CDH13: variants seen among roughly 807,000 people sequenced by gnomAD.
The protein encoded by CDH13 is cadherin 13, also known as cadherin-13.
CDH13 carries 24 observed loss-of-function variants against 63.8 expected under a neutral mutation model. The ratio of observed to expected loss-of-function variants is 0.38; its 90% CI spans 0.27 to 0.53. The LOEUF (loss-of-function observed/expected upper bound fraction) is 0.53. CDH13 is among the 20% of genes least tolerant of loss of function. The probability of loss-of-function intolerance (pLI) is 0.85; values close to 1 mark genes in which losing one functional copy is unlikely to be tolerated. For missense variants in CDH13, 1,049 were observed against 903.1 expected (o/e 1.16, Z -2.07); for synonymous variants, 503 against 355.3 (o/e 1.42, Z -4.67).
intron 4 of CDH13, among the ~76,000 whole-genome samples, chr16:83,182,786 C>G (rs891298321): frequency 1.3e-5 from 2 of 152,242 alleles, no homozygotes; most frequent in African/African-American, 4.8e-5. Flanking sequence ...ATTAAATACA[C>G]AAAATTATAA....
intron 2 of CDH13, among the ~76,000 whole-genome samples, chr16:82,949,451 C>T (rs1905075256): frequency 6.6e-6 from 1 of 152,200 alleles, no homozygotes; most frequent in Non-Finnish European, 1.5e-5. Flanking sequence ...AATAAGGTCA[C>T]TTTTGCAGAT....
At chr16:82,791,795 C>T (rs1031263009) in intron 1 of CDH13, among the ~76,000 whole-genome samples, 2 of 152,146 alleles carry the variant, frequency 1.3e-5, no homozygotes, top group Admixed American at 6.5e-5. Context: ...TGCTGGGCTC[C>T]GTGGTTTTCT....
chr16:82,641,923 A>AG (rs554243364), intron 1 of CDH13, among the ~76,000 whole-genome samples: 164 of 152,238 alleles, frequency 1.1e-3, no homozygotes, highest in Non-Finnish European at 1.4e-3. Context: ...AAAGCAGGCG[A>AG]GGGGGTAGAT....
At chr16:83,504,282 C>G (rs966359117) in intron 7 of CDH13, among the ~76,000 whole-genome samples, 1 of 152,184 alleles carries the variant, frequency 6.6e-6, no homozygotes, top group Admixed American at 6.5e-5. Flanking sequence ...CCTCCAGCCC[C>G]TCCACAAAGA....
chr16:82,677,966 GATCCAGAAA>G (rs1433537390), intron 1 of CDH13, among the ~76,000 whole-genome samples: 2 of 152,150 alleles, frequency 1.3e-5, no homozygotes, highest in East Asian at 3.9e-4. Flanking sequence ...CTGAAGATAT[GATCCAGAAA>G]ATCTATAGTT....
chr16:82,727,517 G>C (rs111359715), intron 1 of CDH13: 1 of 152,094 alleles, frequency 6.6e-6, no homozygotes, highest in African/African-American at 2.4e-5. Flanking sequence ...TGCATTAGCC[G>C]CACTTAGAGT....
chr16:83,362,702 C>G lies in CDH13; in HGVS notation c.781+17696C>G, dbSNP rs571143842. ...CAAATACCATCTTCCTTCAAGGATA[C>G]TGCATTTCCTCTGTCTCATTGTGGG... On this transcript the variant is annotated intron_variant, in intron 6 of 13. Coordinates refer to ENST00000567109, the MANE Select transcript of CDH13 (RefSeq NM_001257.5). 1.2e-4 allele frequency among the ~76,000 whole-genome samples: 19 copies of G among 152,348 alleles called. No individual in the cohort carries two copies. In the South Asian group the frequency reaches 3.9e-3, roughly 32 times the overall value.
At chr16:82,740,860 G>A (rs986522364) in intron 1 of CDH13, among the ~76,000 whole-genome samples, 3 of 152,116 alleles carry the variant, frequency 2.0e-5, no homozygotes, top group African/African-American at 7.2e-5. Context: ...CCTCCATATG[G>A]GGAGTAGTGA....
intron 6 of CDH13, among the ~76,000 whole-genome samples, chr16:83,424,916 C>G (rs1265478559): frequency 6.6e-6 from 1 of 152,146 alleles, no homozygotes; most frequent in Non-Finnish European, 1.5e-5. Flanking sequence ...AGGATTTGGC[C>G]TGATTCGTTA....
chr16:83,479,041 G>C (rs904625266), intron 6 of CDH13, among the ~76,000 whole-genome samples: 1 of 152,154 alleles, frequency 6.6e-6, no homozygotes, highest in African/African-American at 2.4e-5. Context: ...TATCAGGTTG[G>C]TTGGTTATCT....
intron 2 of CDH13, among the ~76,000 whole-genome samples, chr16:83,015,690 T>TATATA: frequency 1.1e-5 from 1 of 87,892 alleles, no homozygotes; most frequent in Middle Eastern, 4.1e-3. Flanking sequence ...TATATATATA[T>TATATA]ATATATATAT....
At chr16:83,275,338 T>C (rs1006102612) in intron 5 of CDH13, among the ~76,000 whole-genome samples, 2 of 152,230 alleles carry the variant, frequency 1.3e-5, no homozygotes, top group Non-Finnish European at 2.9e-5. Flanking sequence ...TCTGTCCAAA[T>C]GGCTGTTGGG....
chr16:82,971,891 C>T (rs1908809983), intron 2 of CDH13, among the ~76,000 whole-genome samples: 1 of 152,102 alleles, frequency 6.6e-6, no homozygotes, highest in Non-Finnish European at 1.5e-5. Context: ...TGGCCTGTAC[C>T]CTTGTTTGCA....
At chr16:83,040,987 C>G (rs922120050) in intron 3 of CDH13, among the ~76,000 whole-genome samples, 2 of 152,198 alleles carry the variant, frequency 1.3e-5, no homozygotes, top group Non-Finnish European at 2.9e-5. Context: ...ACCATCACCA[C>G]TCTTATTCCT....
intron 1 of CDH13, among the ~76,000 whole-genome samples, chr16:82,671,961 C>A (rs1047574117): frequency 6.6e-6 from 1 of 152,064 alleles, no homozygotes; most frequent in Non-Finnish European, 1.5e-5. Context: ...TGAATTCTGC[C>A]CTCCCCCTCT....
chr16:83,302,497 C>T (rs767728584), intron 5 of CDH13, among the ~76,000 whole-genome samples: 3 of 152,142 alleles, frequency 2.0e-5, no homozygotes, highest in South Asian at 2.1e-4. Flanking sequence ...TCCTTATATT[C>T]TAGAAAATAA....
At chr16:83,451,773 C>G (rs761327631) in intron 6 of CDH13, among the ~76,000 whole-genome samples, 22 of 152,372 alleles carry the variant, frequency 1.4e-4, no homozygotes, top group Non-Finnish European at 2.5e-4. Context: ...CTATCTTGGC[C>G]TCGCAAAGTG....
At position 83,508,925 on chromosome 16, in the gene CDH13, C is replaced by G. The variant is rs541252300; in HGVS notation, c.960+22270C>G. Among the ~76,000 whole-genome samples the G allele has an allele frequency of 1.9e-3, 294 of 152,224 alleles. 2 individuals carry two copies. Among genetic ancestry groups the G allele is most frequent in the African/African-American group, 5.0e-3 (208 of 41,522 alleles). On this transcript the variant is annotated intron_variant, in intron 7 of 13. Transcript: ENST00000567109. ...GCTGATCTGTTTGTACTTTCTCATG[C>G]TGCTAATGGGTACCTGGAGTTGAGA...
At chr16:83,613,202 C>A (rs1390375432) in intron 8 of CDH13, among the ~76,000 whole-genome samples, 3 of 152,192 alleles carry the variant, frequency 2.0e-5, no homozygotes, top group Non-Finnish European at 2.9e-5. Flanking sequence ...TGTCTCTTTT[C>A]TCTGGCTGCT....
Sources: allele counts gnomAD v4.1 joint callset (sites outside exome capture counted in the v4.1 genomes callset), GRCh38; gene constraint gnomAD v4.1.1; transcripts MANE v1.5; gene names NCBI Gene and HGNC (gene_info 2026-07-23, HGNC 2026-07-21).